SPAG17: variants seen among roughly 807,000 people sequenced by gnomAD.
SPAG17 encodes the protein sperm-associated antigen 17.
SPAG17 carries 169 observed loss-of-function variants against 273.6 expected under a neutral mutation model. That is an observed-to-expected ratio of 0.62 (90% CI 0.55 to 0.70). The LOEUF (loss-of-function observed/expected upper bound fraction) is 0.70, where lower values mean the gene tolerates loss of function less well. SPAG17 is among the 30% of genes least tolerant of loss of function. The pLI is 0.00. For missense variants in SPAG17, 2,557 were observed against 2,627.8 expected, an observed-to-expected ratio of 0.97 and a Z score of 0.59; for synonymous variants, 825 against 873.2, an observed-to-expected ratio of 0.94 and a Z score of 0.97.
At chr1:117,980,048 T>A (rs1490954248) in intron 43 of SPAG17, among the ~76,000 whole-genome samples, 3 of 152,204 alleles carry the variant, frequency 2.0e-5, no homozygotes, top group Non-Finnish European at 4.4e-5. Flanking sequence ...CTCCATCAGA[T>A]ATGGGAGGGG....
chr1:117,977,830 G>A (rs1285524286), intron 43 of SPAG17, among the ~76,000 whole-genome samples: 1 of 152,118 alleles, frequency 6.6e-6, no homozygotes. Context: ...GTCATTTACT[G>A]ACCACTCTCG....
chr1:117,985,481 A>G (rs1045182200), intron 40 of SPAG17, among the ~76,000 whole-genome samples: 2 of 152,262 alleles, frequency 1.3e-5, no homozygotes, highest in South Asian at 2.1e-4. Context: ...TTTTGCAACT[A>G]TGAAGTAAGC....
At chr1:118,082,446 T>C (rs1654660038) in intron 13 of SPAG17, among the ~76,000 whole-genome samples, 1 of 152,128 alleles carries the variant, frequency 6.6e-6, no homozygotes, top group Admixed American at 6.5e-5. Context: ...AGCAGGTCCT[T>C]TGGGAAAAAA....
chr1:118,119,790 T>C (rs755372238), intron 3 of SPAG17, among the ~76,000 whole-genome samples: 8 of 152,294 alleles, frequency 5.3e-5, no homozygotes, highest in Non-Finnish European at 1.0e-4. Flanking sequence ...AGTATAATCG[T>C]TCTTTACCAC....
chr1:118,012,457 G>A, intron 29 of SPAG17, 85 bp from the exon 30 acceptor site: 1 of 1,442,496 alleles, frequency 6.9e-7, no homozygotes, highest in Non-Finnish European at 9.3e-7. Context: ...ATACGAAGAT[G>A]GCACCATCAA....
At chr1:117,983,773 G>C in intron 42 of SPAG17, 38 bp downstream of exon 42, 1 of 1,414,340 alleles carries the variant, frequency 7.1e-7, no homozygotes, top group Non-Finnish European at 9.9e-7. Context: ...TTCAGTTACG[G>C]ACATTTAATA....
intron 7 of SPAG17, among the ~76,000 whole-genome samples, chr1:118,095,098 T>C (rs1426946163): frequency 2.0e-5 from 3 of 152,250 alleles, no homozygotes; most frequent in African/African-American, 7.2e-5. Context: ...AAAATAATTT[T>C]TCTGAACTTT....
intron 32 of SPAG17, among the ~76,000 whole-genome samples, chr1:118,000,326 A>G (rs1210573801): frequency 3.9e-5 from 6 of 152,174 alleles, no homozygotes; most frequent in Admixed American, 1.3e-4. Context: ...GGTTCCATAT[A>G]AACTTTAAAG....
At chr1:118,091,019 T>C (rs1655338569) in intron 10 of SPAG17, among the ~76,000 whole-genome samples, 1 of 152,162 alleles carries the variant, frequency 6.6e-6, no homozygotes, top group African/African-American at 2.4e-5. Context: ...ATACAATAGC[T>C]ATGCCCTTAA....
At chr1:117,975,719 A>C (rs902667230) in intron 43 of SPAG17, among the ~76,000 whole-genome samples, 1 of 152,190 alleles carries the variant, frequency 6.6e-6, no homozygotes, top group Non-Finnish European at 1.5e-5. Context: ...AATATCTGGG[A>C]ATGGAACTCA....
intron 3 of SPAG17, among the ~76,000 whole-genome samples, chr1:118,143,184 A>G (rs1041060672): frequency 1.1e-4 from 17 of 152,242 alleles, no homozygotes; most frequent in Non-Finnish European, 1.8e-4. Flanking sequence ...AGTAATAAAC[A>G]TATCATAGAA....
rs1653848668 is a variant in SPAG17, at chr1:118,073,923, C to CTT, written c.2314_2315dup (p.Lys773ArgfsTer8). On this transcript the variant is annotated frameshift_variant, in exon 17 of 49. Transcript: ENST00000336338. LOFTEE classifies it high-confidence loss of function. ...CCATTAGACTGCGCTGCTGTGTTTT[C>CTT]TTTATGTCCTCTAAATCTGCTTCCA... 1 of 1,572,790 alleles carries CTT rather than the reference C, an allele frequency of 6.4e-7. No homozygotes were observed. Among genetic ancestry groups the CTT allele is most frequent in the African/African-American group, 1.4e-5 (1 of 71,464 alleles).
At chr1:118,126,523 A>AT (rs1657747392) in intron 3 of SPAG17, among the ~76,000 whole-genome samples, 1 of 151,374 alleles carries the variant, frequency 6.6e-6, no homozygotes, top group Non-Finnish European at 1.5e-5. Flanking sequence ...TCCTTTATCC[A>AT]TTTTTTAATT....
chr1:118,021,148 G>A (rs1660457901), intron 28 of SPAG17, among the ~76,000 whole-genome samples: 1 of 152,018 alleles, frequency 6.6e-6, no homozygotes, highest in Admixed American at 6.6e-5. Flanking sequence ...AAAAGTTTTT[G>A]ATAAAATATT....
At chr1:118,031,599 C>T (rs1192799112) in intron 25 of SPAG17, 93 bp downstream of exon 25, 4 of 1,288,026 alleles carry the variant, frequency 3.1e-6, no homozygotes, top group Non-Finnish European at 4.4e-6. Context: ...AACGTATGCA[C>T]TATAATAACA....
At chr1:118,085,294 T>C (rs186752453) in intron 13 of SPAG17, among the ~76,000 whole-genome samples, 1 of 152,284 alleles carries the variant, frequency 6.6e-6, no homozygotes, top group East Asian at 1.9e-4. Flanking sequence ...TTATTGATTG[T>C]GGGTGGCTGC....
chr1:117,984,004 A>G, intron 41 of SPAG17, 91 bp from the exon 42 acceptor site: 1 of 581,710 alleles, frequency 1.7e-6, no homozygotes, highest in South Asian at 2.6e-5. Flanking sequence ...TAATGAAAAC[A>G]TATTTTTAAT....
chr1:118,132,792 A>C (rs886616193), intron 3 of SPAG17, among the ~76,000 whole-genome samples: 10 of 151,624 alleles, frequency 6.6e-5, no homozygotes, highest in African/African-American at 2.4e-4. Flanking sequence ...CTTTTCTTTT[A>C]GATGGAATCT....
intron 3 of SPAG17, among the ~76,000 whole-genome samples, chr1:118,127,224 G>T (rs1227985760): frequency 1.3e-5 from 2 of 151,948 alleles, no homozygotes; most frequent in African/African-American, 4.8e-5. Context: ...TGTGTATTAG[G>T]CCTTTCTTGC....
Sources: gnomAD v4.1 joint callset for allele counts (sites outside exome capture counted in the v4.1 genomes callset) on GRCh38, gnomAD v4.1.1 for gene constraint, MANE v1.5 for transcripts, NCBI Gene and HGNC (gene_info 2026-07-23, HGNC 2026-07-21) for gene names.